The following GINS4 variants were observed in gnomAD, a reference collection of about 807,000 sequenced individuals.
GINS4 encodes the protein GINS complex subunit 4, also known as DNA replication complex GINS protein SLD5.
GINS4 carries 20 observed loss-of-function variants against 31.1 expected under a neutral mutation model. The ratio of observed to expected loss-of-function variants is 0.64; its 90% confidence interval spans 0.45 to 0.93. The LOEUF is 0.93. Among genes scored for constraint, GINS4 ranks in the 40% least tolerant of loss-of-function variants. GINS4 has a pLI of 0.00. For synonymous variants in GINS4, 85 were observed against 97.9 expected, an observed-to-expected ratio of 0.87 and a Z score of 0.78; for missense variants, 245 against 273.9, an observed-to-expected ratio of 0.89 and a Z score of 0.75.
chr8:41,533,260 A>G (rs1806679658), intron 2 of GINS4, among the ~76,000 whole-genome samples: 1 of 152,212 alleles, frequency 6.6e-6, no homozygotes, highest in Non-Finnish European at 1.5e-5. Flanking sequence ...TTGCAAAATT[A>G]TTGTTCAAGG....
rs894313793 is a variant in GINS4 at position 41,542,399 on chromosome 8, A to AC, written c.*313dup. ...TTTGTCTCAAAAAAAAAAACAAAAA[A>AC]CAAAAAAAAAACAAACTAGGCATAA... On this transcript the variant is annotated 3_prime_UTR_variant, in exon 8 of 8. Coordinates refer to ENST00000276533, the MANE Select transcript of GINS4 (RefSeq NM_032336.3). 5.4e-6 allele frequency: 2 copies of AC among 367,052 alleles called. No individual in the cohort carries two copies. Among genetic ancestry groups the AC allele is most frequent in the Non-Finnish European group, 1.0e-5 (2 of 196,896 alleles). The allele number at this position is 367,052 out of a possible 1,614,324, so 22.7% of individuals were successfully genotyped here. A position where few individuals can be genotyped will look rare whatever the true frequency, so the allele number is the denominator to read the frequency against.
intron 6 of GINS4, 117 bp from the exon 7 acceptor site, chr8:41,541,692 A>C: frequency 1.4e-6 from 1 of 722,556 alleles, no homozygotes; most frequent in East Asian, 2.6e-5. Context: ...GAAGAGTAGG[A>C]ATGGGCTGGG....
chr8:41,540,618 TACC>T (rs374063711), intron 6 of GINS4, among the ~76,000 whole-genome samples: 9 of 152,194 alleles, frequency 5.9e-5, no homozygotes, highest in African/African-American at 2.2e-4. Context: ...GCAGAGCCCT[TACC>T]GTCGGATCAA....
At chr8:41,530,655 A>C (rs539494290) in intron 2 of GINS4, among the ~76,000 whole-genome samples, 9 of 152,330 alleles carry the variant, frequency 5.9e-5, no homozygotes, top group African/African-American at 2.2e-4. Flanking sequence ...CCTGTTTAGC[A>C]AGAAAATGCT....
At position 41,539,979 on chromosome 8, in the gene GINS4, ACAGAAGGTGGACCTCTTT is replaced by A. The variant is rs761700782; in HGVS notation, c.461_478del (p.Gln154_Phe159del). Reference sequence around the variant, plus strand: ...CCTTGAAGCACATGCCCCCTAACTTACAGAAGGTGGACCTCTTTCGGGCAGGTAAACAGGACGTTCTCC... The same window carrying A: ...CCTTGAAGCACATGCCCCCTAACTTACGGGCAGGTAAACAGGACGTTCTCC... On this transcript the variant is annotated inframe_deletion, in exon 6 of 8. Coordinates refer to ENST00000276533, the MANE Select transcript of GINS4 (RefSeq NM_032336.3). The A allele has an allele frequency of 7.2e-5, 117 of 1,613,946 alleles. No homozygotes were observed. The highest frequency in any genetic ancestry group is 9.5e-5 in the Non-Finnish European group (112 of 1,179,944).
At chr8:41,535,212 C>T (rs1402355538) in intron 2 of GINS4, among the ~76,000 whole-genome samples, 1 of 152,074 alleles carries the variant, frequency 6.6e-6, no homozygotes, top group Non-Finnish European at 1.5e-5. Context: ...GTGGCACATG[C>T]CTGTAATTCC....
chr8:41,535,679 C>T (rs762752646), intron 2 of GINS4, among the ~76,000 whole-genome samples: 1 of 152,174 alleles, frequency 6.6e-6, no homozygotes, highest in African/African-American at 2.4e-5. Flanking sequence ...TAGCTTTCCT[C>T]AGTCACTTAG....
At chr8:41,537,976 G>A (rs1806771096) in intron 4 of GINS4, 1 of 149,970 alleles carries the variant, frequency 6.7e-6, no homozygotes, top group South Asian at 2.1e-4. Context: ...AGCCAAGATT[G>A]TACCACTGCA....
intron 6 of GINS4, among the ~76,000 whole-genome samples, chr8:41,540,750 T>C (rs575045698): frequency 6.6e-6 from 1 of 152,266 alleles, no homozygotes; most frequent in East Asian, 1.9e-4. Context: ...CGAGCTCCAG[T>C]ACACCCGAGC....
Position 41,542,033 on chromosome 8 carries a change from C to T in GINS4, c.618C>T (p.Ile206=), listed in dbSNP as rs772826423. Reference sequence around the variant, plus strand: ...TGGAGAAGGGCTCACAGCACTTGATCCGATACAAAACCATTGCACCTCTGG... The same window carrying T: ...TGGAGAAGGGCTCACAGCACTTGATTCGATACAAAACCATTGCACCTCTGG... ...IDLEKGSQHL[I]RYKTIAPLVA... is the part of the protein sequence containing the mutation. The change falls in exon 8 of 8, where the codon ATC becomes ATT. Residue 206 remains isoleucine, a synonymous_variant. Transcript: ENST00000276533. 4.3e-6 allele frequency: 7 copies of T among 1,614,156 alleles called. No homozygotes were observed. The South Asian group carries it at 5.5e-5, about 13-fold the overall frequency.
rs952698331 is a variant in GINS4, at chr8:41,543,294, T to G, written c.*1207T>G. 1.3e-5 allele frequency: 2 copies of G among 152,228 alleles called. No individual in the cohort carries two copies. The highest frequency in any genetic ancestry group is 2.9e-5 in the Non-Finnish European group (2 of 68,056). The allele number at this position is 152,228 out of a possible 1,614,324, so 9.4% of individuals were successfully genotyped here. A position where few individuals can be genotyped will look rare whatever the true frequency, so the allele number is the denominator to read the frequency against. On this transcript the variant is annotated 3_prime_UTR_variant, in exon 8 of 8. Coordinates refer to ENST00000276533, the MANE Select transcript of GINS4 (RefSeq NM_032336.3). ...CCGGCTTGTAGTTTAATGAAGTATGTGCTCCCTGCTGTTAACCCGCAGCCC... is the reference window on the plus strand; with the variant it reads ...CCGGCTTGTAGTTTAATGAAGTATGGGCTCCCTGCTGTTAACCCGCAGCCC...
At chr8:41,537,525 C>T in intron 4 of GINS4, 1 of 442,860 alleles carries the variant, frequency 2.3e-6, no homozygotes, top group Non-Finnish European at 4.1e-6. Context: ...TTAGTCTGTT[C>T]ACCTGCCGAG....
At chr8:41,532,209 A>C (rs1485506274) in intron 2 of GINS4, among the ~76,000 whole-genome samples, 2 of 152,260 alleles carry the variant, frequency 1.3e-5, no homozygotes, top group African/African-American at 4.8e-5. Context: ...TCCACAGTAC[A>C]TAAACAGCTC....
chr8:41,536,915 A>G (rs1405935750), intron 3 of GINS4, among the ~76,000 whole-genome samples: 2 of 152,226 alleles, frequency 1.3e-5, no homozygotes, highest in East Asian at 3.8e-4. Flanking sequence ...TTTTAGACCC[A>G]ATGGAAGTTT....
Position 41,542,110 on chromosome 8 carries a change from A to G in GINS4, c.*23A>G, listed in dbSNP as rs757612756. On this transcript the variant is annotated 3_prime_UTR_variant, in exon 8 of 8. Transcript: ENST00000276533. ...TAAAACTAGGCATAAACAGCCAGGCATGGTGACTCAAGCCTGTAATCCCAG... is the reference window on the plus strand; with the variant it reads ...TAAAACTAGGCATAAACAGCCAGGCGTGGTGACTCAAGCCTGTAATCCCAG... 15 of 1,566,672 alleles carry G rather than the reference A, an allele frequency of 9.6e-6. No homozygotes were observed. Among genetic ancestry groups the G allele is most frequent in the Non-Finnish European group, 1.3e-5 (15 of 1,137,152 alleles).
chr8:41,541,770 G>A (rs1806844746), intron 6 of GINS4, 39 bp from the exon 7 acceptor site: 1 of 1,539,372 alleles, frequency 6.5e-7, no homozygotes. Context: ...GACTTTGTTG[G>A]CCGAGGATTT....
At chr8:41,540,118 G>C in intron 6 of GINS4, 114 bp downstream of exon 6, 1 of 772,712 alleles carries the variant, frequency 1.3e-6, no homozygotes, top group Admixed American at 2.5e-5. Flanking sequence ...TAGATAAACA[G>C]AAAGAAGAGC....
At chr8:41,536,895 T>C (rs1806748901) in intron 3 of GINS4, among the ~76,000 whole-genome samples, 1 of 152,250 alleles carries the variant, frequency 6.6e-6, no homozygotes, top group African/African-American at 2.4e-5. Flanking sequence ...GCTGGTGTTT[T>C]AATACTGCTT....
intron 3 of GINS4, 24 bp downstream of exon 3, chr8:41,536,470 G>A (rs370101753): frequency 4.3e-5 from 60 of 1,387,222 alleles, no homozygotes; most frequent in Non-Finnish European, 6.2e-5. Context: ...GTCTTGGGTT[G>A]ACAAAGGAGG....
Sources: allele counts gnomAD v4.1 joint callset (sites outside exome capture counted in the v4.1 genomes callset), GRCh38; gene constraint gnomAD v4.1.1; transcripts MANE v1.5; gene names NCBI Gene and HGNC (gene_info 2026-07-23, HGNC 2026-07-21).